The following STAT1 variants were observed in gnomAD, a reference collection of about 807,000 sequenced individuals.
The protein encoded by STAT1 is signal transducer and activator of transcription 1-alpha/beta.
A neutral mutation model predicts 111.7 loss-of-function variants in STAT1; 24 were observed. The observed-to-expected ratio is 0.21, with a 90% CI of 0.16 to 0.30. The LOEUF is 0.30. STAT1 is among the 10% of genes least tolerant of loss of function. The pLI, the probability that STAT1 is intolerant of heterozygous loss-of-function variation, is 1.00. For missense variants in STAT1, 351 were observed against 911.9 expected, an observed-to-expected ratio of 0.38 and a Z score of 7.92; for synonymous variants, 332 against 326.5, an observed-to-expected ratio of 1.02 and a Z score of -0.18.
Position 191,007,794 on chromosome 2 carries a change from C to T in STAT1, c.274-133G>A, listed in dbSNP as rs1305262729. 1.6e-5 allele frequency: 11 copies of T among 708,808 alleles called. No individual in the cohort carries two copies. Among genetic ancestry groups the T allele is most frequent in the Admixed American group, 2.6e-5 (1 of 39,162 alleles). The allele number at this position is 708,808 out of a possible 1,614,324, so 43.9% of individuals were successfully genotyped here. On this transcript the variant is annotated intron_variant, in intron 4 of 24. Coordinates refer to ENST00000361099, the MANE Select transcript of STAT1 (RefSeq NM_007315.4). The surrounding 1 kb of genome is among the most constrained non-coding windows in gnomAD (Gnocchi z 4.2). The stretch of plus-strand genomic sequence containing the variant: ...TCTCATCTATTAAATTCTATATAAG[C>T]TATGTTTGTTAAAATCAAAATATTT...
In STAT1 at chr2:190,996,656, A is replaced by G. The variant is rs1471783667; in HGVS notation, c.785+1200T>C. On this transcript the variant is annotated intron_variant, in intron 9 of 24. Transcript: ENST00000361099. This position sits in a 1 kb window ranked among gnomAD's most constrained non-coding sequence, Gnocchi z 4.5. ...CTCAGAAGCTCTGCTCTAACCCACA[A>G]GAAATCTGGGGTACCTACAGGCAAT... Among the ~76,000 whole-genome samples, 2 of 152,248 alleles carry G rather than the reference A, an allele frequency of 1.3e-5. No individual in the cohort carries two copies. The highest frequency in any genetic ancestry group is 6.5e-5 in the Admixed American group (1 of 15,290).
At chr2:191,008,848 C>G (rs1038011713) in intron 4 of STAT1, 115 bp downstream of exon 4, 18 of 1,115,678 alleles carry the variant, frequency 1.6e-5, no homozygotes, top group Non-Finnish European at 2.3e-5. Flanking sequence ...GAGTTAGTCT[C>G]TATTACTTCT....
chr2:191,001,052 C>T, intron 6 of STAT1, 22 bp downstream of exon 6: 1 of 1,568,096 alleles, frequency 6.4e-7, no homozygotes, highest in Non-Finnish European at 8.8e-7. Flanking sequence ...AGAATAAATG[C>T]ATGTGTTTAC....
chr2:190,976,021 A>AT lies in STAT1; in HGVS notation c.2060-135_2060-134insA. 1 of 775,044 alleles carries AT rather than the reference A, an allele frequency of 1.3e-6. No individual in the cohort carries two copies. Among genetic ancestry groups the AT allele is most frequent in the East Asian group, 2.7e-5 (1 of 37,256 alleles). 48.0% of individuals were successfully genotyped at this position (775,044 alleles called of 1,614,324 possible). A position where few individuals can be genotyped will look rare whatever the true frequency, so the allele number is the denominator to read the frequency against. On this transcript the variant is annotated intron_variant, in intron 22 of 24. Coordinates refer to ENST00000361099, the MANE Select transcript of STAT1 (RefSeq NM_007315.4). The surrounding 1 kb of genome is among the most constrained non-coding windows in gnomAD (Gnocchi z 6.0). ...CCTCCTAAAACTTTAAGGAGCTATA[A>AT]CCTCCCTGCCTGAGTCACCTAAAAT...
At position 190,974,977 on chromosome 2, in the gene STAT1, T is replaced by C. The variant is rs374124449; in HGVS notation, c.2136-45A>G. ...AAGAGCAATGTCAACATCTGAGTGA[T>C]GAAAGCACTAGTGCATACTTACACA... On this transcript the variant is annotated intron_variant, in intron 23 of 24. Coordinates refer to ENST00000361099, the MANE Select transcript of STAT1 (RefSeq NM_007315.4). This position sits in a 1 kb window ranked among gnomAD's most constrained non-coding sequence, Gnocchi z 4.8. The C allele has an allele frequency of 9.4e-6, 13 of 1,390,212 alleles. No homozygotes were observed. Among genetic ancestry groups the C allele is most frequent in the South Asian group, 1.2e-5 (1 of 85,680 alleles). The allele number at this position is 1,390,212 out of a possible 1,614,324, so 86.1% of individuals were successfully genotyped here. A position where few individuals can be genotyped will look rare whatever the true frequency, so the allele number is the denominator to read the frequency against.
chr2:190,992,867 G>A, intron 10 of STAT1: 1 of 289,718 alleles, frequency 3.5e-6, no homozygotes, highest in Non-Finnish European at 6.3e-6. Flanking sequence ...TCGGCTCACT[G>A]CAACCTCCGC....
At position 190,975,070 on chromosome 2, in the gene STAT1, A is replaced by C; in HGVS notation, c.2136-138T>G. 4 of 780,836 alleles carry C rather than the reference A, an allele frequency of 5.1e-6. No individual in the cohort carries two copies. In the Middle Eastern group the frequency reaches 9.1e-4, roughly 178 times the overall value. The allele number at this position is 780,836 out of a possible 1,614,324, so 48.4% of individuals were successfully genotyped here. A position where few individuals can be genotyped will look rare whatever the true frequency, so the allele number is the denominator to read the frequency against. On this transcript the variant is annotated intron_variant, in intron 23 of 24. Coordinates refer to ENST00000361099, the MANE Select transcript of STAT1 (RefSeq NM_007315.4). This position sits in a 1 kb window ranked among gnomAD's most constrained non-coding sequence, Gnocchi z 5.9. Reference sequence around the variant, plus strand: ...ATTTTGGGTAAGTGCATACACTTGTAAAATACATTTGCAAAAGTACAGCTC... The same window carrying C: ...ATTTTGGGTAAGTGCATACACTTGTCAAATACATTTGCAAAAGTACAGCTC...
rs1255205369 is a variant in STAT1 at position 190,970,679 on chromosome 2, G to C, written c.*24C>G. 6.2e-7 allele frequency: 1 copy of C among 1,612,596 alleles called. No homozygotes were observed. The highest frequency in any genetic ancestry group is 8.5e-7 in the Non-Finnish European group (1 of 1,178,940). ...CAGATGAGAAGGAAAACTGTCGCCA[G>C]AGAAGATGAAAAAAATTCATGCTCT... On this transcript the variant is annotated 3_prime_UTR_variant, in exon 25 of 25. Transcript: ENST00000361099. The surrounding 1 kb of genome is among the most constrained non-coding windows in gnomAD (Gnocchi z 5.4).
rs879538247 is a variant in STAT1, at chr2:190,969,567, A to G, written c.*1136T>C. On this transcript the variant is annotated 3_prime_UTR_variant, in exon 25 of 25. Coordinates refer to ENST00000361099, the MANE Select transcript of STAT1 (RefSeq NM_007315.4). The stretch of plus-strand genomic sequence containing the variant: ...ACTTCACGAAACATCATCCACTCAA[A>G]AAAGTGTCTGGAAAAAGTACAGGAG... 6.6e-6 allele frequency: 1 copy of G among 152,234 alleles called. No homozygotes were observed. Among genetic ancestry groups the G allele is most frequent in the Non-Finnish European group, 1.5e-5 (1 of 68,030 alleles). The allele number at this position is 152,234 out of a possible 1,614,324, so 9.4% of individuals were successfully genotyped here. A position where few individuals can be genotyped will look rare whatever the true frequency, so the allele number is the denominator to read the frequency against.
Position 190,984,287 on chromosome 2 carries a change from A to T in STAT1, c.1347+23T>A. The T allele has an allele frequency of 1.3e-6, 2 of 1,589,210 alleles. No homozygotes were observed. The highest frequency in any genetic ancestry group is 1.7e-6 in the Non-Finnish European group (2 of 1,157,390). On this transcript the variant is annotated intron_variant, in intron 16 of 24. Coordinates refer to ENST00000361099, the MANE Select transcript of STAT1 (RefSeq NM_007315.4). This position sits in a 1 kb window ranked among gnomAD's most constrained non-coding sequence, Gnocchi z 5.2. ...AAAGTAAAAATAATGAAGTTTTCCA[A>T]CTCGGGACCATAAAAGTCTTACCTC...
In STAT1 at chr2:191,006,699, A is replaced by G. The variant is rs1487230004; in HGVS notation, c.372+864T>C. On this transcript the variant is annotated intron_variant, in intron 5 of 24. Coordinates refer to ENST00000361099, the MANE Select transcript of STAT1 (RefSeq NM_007315.4). The surrounding 1 kb of genome is among the most constrained non-coding windows in gnomAD (Gnocchi z 4.6). ...CCTGTTGGCTTGTTGTCACCACCCC[A>G]GTGCTCAAGAAAGGAATACTAAATG... Among the ~76,000 whole-genome samples the G allele has an allele frequency of 1.3e-5, 2 of 152,228 alleles. No homozygotes were observed. Among genetic ancestry groups the G allele is most frequent in the African/African-American group, 2.4e-5 (1 of 41,466 alleles).
At position 190,994,221 on chromosome 2, in the gene STAT1, G is replaced by A. The variant is rs557204244; in HGVS notation, c.944+840C>T. The stretch of plus-strand genomic sequence containing the variant: ...GCATGGCCCCTATAGGAATCAGCAA[G>A]AGGTCAAGTTTGCCTAGAAAGGGGC... On this transcript the variant is annotated intron_variant, in intron 10 of 24. Transcript: ENST00000361099. 3.1e-4 allele frequency among the ~76,000 whole-genome samples: 47 copies of A among 152,332 alleles called. 1 individual carries two copies. The South Asian group carries it at 9.5e-3, about 31-fold the overall frequency.
In STAT1 at chr2:190,973,899, G is replaced by A. The variant is rs377614712; in HGVS notation, c.2238+931C>T. ...CAGATCTTACTGAGGCCTTATCATCGCATTCCCCAAATGTCTGAAGAGTGA... is the reference window on the plus strand; with the variant it reads ...CAGATCTTACTGAGGCCTTATCATCACATTCCCCAAATGTCTGAAGAGTGA... On this transcript the variant is annotated intron_variant, in intron 24 of 24. Transcript: ENST00000361099. This position sits in a 1 kb window ranked among gnomAD's most constrained non-coding sequence, Gnocchi z 4.4. Among the ~76,000 whole-genome samples the A allele has an allele frequency of 2.0e-5, 3 of 152,204 alleles. No homozygotes were observed. The highest frequency in any genetic ancestry group is 7.2e-5 in the African/African-American group (3 of 41,524).
In STAT1 at chr2:190,983,644, T is replaced by C; in HGVS notation, c.1444A>G (p.Arg482Gly). 5.0e-6 allele frequency: 8 copies of C among 1,614,052 alleles called. No homozygotes were observed. The highest frequency in any genetic ancestry group is 5.9e-6 in the Non-Finnish European group (7 of 1,179,940). Reference sequence around the variant, plus strand: ...CAAAGCAAATGTGTTTTCCATACCCTGGGTTCCGCCACCAGCATGTTGTAC... The same window carrying C: ...CAAAGCAAATGTGTTTTCCATACCCCGGGTTCCGCCACCAGCATGTTGTAC... ...LWYNMLVAEP[R>G]NLSFFLTPPC... The change falls in exon 17 of 25, where the codon AGG (arginine) becomes GGG (glycine). Residue 482 changes from arginine to glycine, a missense_variant and splice_region_variant. This residue lies in a region of STAT1 where 181 missense variants were observed against 426.1 expected (regional missense o/e 0.42). Transcript: ENST00000361099. This position sits in a 1 kb window ranked among gnomAD's most constrained non-coding sequence, Gnocchi z 5.7.
Position 191,013,655 on chromosome 2 carries a change from A to G in STAT1, c.-132T>C. ...ACGTTAACCTAGACAGCTCTCGAGG[A>G]TGGCATACAGCAAATGAAACTTTCT... is the stretch of plus-strand genomic sequence containing the variant. On this transcript the variant is annotated 5_prime_UTR_variant, in exon 2 of 25. Coordinates refer to ENST00000361099, the MANE Select transcript of STAT1 (RefSeq NM_007315.4). The G allele has an allele frequency of 2.5e-6, 1 of 398,674 alleles. No homozygotes were observed. Among genetic ancestry groups the G allele is most frequent in the Non-Finnish European group, 4.4e-6 (1 of 226,096 alleles). The allele number at this position is 398,674 out of a possible 1,614,324, so 24.7% of individuals were successfully genotyped here.
rs1473341492 is a variant in STAT1 at position 191,006,779 on chromosome 2, G to T, written c.372+784C>A. Reference sequence around the variant, plus strand: ...CTGACAACTAGGAAGGTTTGTATTAGGATTAATAAAACAATGATCAAAAAT... The same window carrying T: ...CTGACAACTAGGAAGGTTTGTATTATGATTAATAAAACAATGATCAAAAAT... On this transcript the variant is annotated intron_variant, in intron 5 of 24. Coordinates refer to ENST00000361099, the MANE Select transcript of STAT1 (RefSeq NM_007315.4). This position sits in a 1 kb window ranked among gnomAD's most constrained non-coding sequence, Gnocchi z 4.6. Among the ~76,000 whole-genome samples the T allele has an allele frequency of 6.6e-6, 1 of 152,092 alleles. No homozygotes were observed. Among genetic ancestry groups the T allele is most frequent in the African/African-American group, 2.4e-5 (1 of 41,392 alleles).
chr2:190,994,952 AT>A (rs1693732429), intron 10 of STAT1, 108 bp downstream of exon 10: 3 of 411,608 alleles, frequency 7.3e-6, no homozygotes, highest in Admixed American at 3.3e-5. Flanking sequence ...ATATATATAT[AT>A]ATATAAAAAA....
Position 190,999,740 on chromosome 2 carries a change from C to A in STAT1, c.463-36G>T. The A allele has an allele frequency of 6.8e-7, 1 of 1,479,510 alleles. No homozygotes were observed. The highest frequency in any genetic ancestry group is 1.1e-5 in the South Asian group (1 of 87,996). 91.6% of individuals were successfully genotyped at this position (1,479,510 alleles called of 1,614,324 possible). ...AGATGTAAACATGTTTTCTACTGAT[C>A]AGCAACTTCCAAAGACTTTAGGCAA... On this transcript the variant is annotated intron_variant, in intron 6 of 24. Coordinates refer to ENST00000361099, the MANE Select transcript of STAT1 (RefSeq NM_007315.4). The surrounding 1 kb of genome is among the most constrained non-coding windows in gnomAD (Gnocchi z 4.1).
In STAT1 at chr2:190,970,744, T is replaced by C; in HGVS notation, c.2239-27A>G. 6.2e-7 allele frequency: 1 copy of C among 1,606,166 alleles called. No homozygotes were observed. The highest frequency in any genetic ancestry group is 8.5e-7 in the Non-Finnish European group (1 of 1,173,262). On this transcript the variant is annotated intron_variant, in intron 24 of 24. Transcript: ENST00000361099. This position sits in a 1 kb window ranked among gnomAD's most constrained non-coding sequence, Gnocchi z 5.4. ...TGTAAAAAGACAAAATGTGGTTAAG[T>C]TTATTACACTGATCTTGTGAAATGC...
Sources: gnomAD v4.1 joint callset for allele counts (sites outside exome capture counted in the v4.1 genomes callset) on GRCh38, gnomAD v4.1.1 for gene constraint, gnomAD v4.1.1 regional missense constraint, Gnocchi (gnomAD v3.1) non-coding constraint, MANE v1.5 for transcripts, NCBI Gene and HGNC (gene_info 2026-07-23, HGNC 2026-07-21) for gene names.